Variants in ADGRG3 observed in about 807,000 individuals in gnomAD.
The protein encoded by ADGRG3 is G protein-coupled receptor 97.
In ADGRG3, 39 loss-of-function variants were observed where a neutral mutation model predicts 54.3. The ratio of observed to expected loss-of-function variants is 0.72; its 90% CI spans 0.56 to 0.94. The LOEUF is 0.94. Ranked by LOEUF, ADGRG3 falls within the 40% of genes least tolerant of loss-of-function variation. The pLI is 0.00. For missense variants in ADGRG3, 654 were observed against 694.6 expected (o/e 0.94, Z 0.66); for synonymous variants, 312 against 290.0 (o/e 1.08, Z -0.77).
chr16:57,681,362 G>GTC (rs2048364537), intron 8 of ADGRG3, among the ~76,000 whole-genome samples: 1 of 117,316 alleles, frequency 8.5e-6, no homozygotes, highest in African/African-American at 4.6e-5. Flanking sequence ...GTGTGTGTGT[G>GTC]TGTGTGTGTG....
chr16:57,680,648 C>A, intron 8 of ADGRG3, 31 bp downstream of exon 8: 1 of 1,456,330 alleles, frequency 6.9e-7, no homozygotes, highest in Non-Finnish European at 9.6e-7. Context: ...CACCATGTCT[C>A]CCTCCCGCCC....
At position 57,684,028 on chromosome 16, in the gene ADGRG3, T is replaced by C. The variant is rs2048424878; in HGVS notation, c.978T>C (p.Asn326=). The stretch of plus-strand genomic sequence containing the variant: ...TCCTGAATCTGGCCTTCTTGGTCAA[T>C]GTGGGGAGTGGCTCAAAGGGGTCTG... ...LFLLNLAFLV[N]VGSGSKGSDA... Residue 326 remains asparagine (N), a synonymous_variant, in exon 9 of 12, where the codon AAT becomes AAC. Transcript: ENST00000333493. 2 of 1,613,376 alleles carry C rather than the reference T, an allele frequency of 1.2e-6. No homozygotes were observed. The highest frequency in any genetic ancestry group is 1.7e-6 in the Non-Finnish European group (2 of 1,179,542).
intron 2 of ADGRG3, 111 bp downstream of exon 2, chr16:57,673,579 T>A: frequency 9.8e-7 from 1 of 1,021,926 alleles, no homozygotes; most frequent in Non-Finnish European, 1.4e-6. Flanking sequence ...TGCTCCCATC[T>A]GACTCTTCCA....
Position 57,679,296 on chromosome 16 carries a change from C to G in ADGRG3, c.612C>G (p.His204Gln), listed in dbSNP as rs961680388. ...AGCCTCTGGAGATCGTCTTCTCTCA[C>G]CAGCGACCGCCCCCTGTGAGTCCCC... ...LAEPLEIVFS[H>Q]QRPPPNMTLT... Residue 204 changes from histidine (H) to glutamine (Q), a missense_variant, in exon 5 of 12, where the codon CAC (histidine) becomes CAG (glutamine). Transcript: ENST00000333493. 1 of 1,613,884 alleles carries G rather than the reference C, an allele frequency of 6.2e-7. No homozygotes were observed. The highest frequency in any genetic ancestry group is 2.2e-5 in the East Asian group (1 of 44,878).
chr16:57,677,089 C>T (rs1245650627), intron 3 of ADGRG3, among the ~76,000 whole-genome samples: 3 of 152,174 alleles, frequency 2.0e-5, no homozygotes, highest in Non-Finnish European at 4.4e-5. Flanking sequence ...CAGCTGAGCC[C>T]TCTGCAGGGG....
intron 2 of ADGRG3, among the ~76,000 whole-genome samples, chr16:57,674,010 A>G (rs2048212754): frequency 6.6e-6 from 1 of 152,188 alleles, no homozygotes; most frequent in Non-Finnish European, 1.5e-5. Flanking sequence ...CTGGAAATAT[A>G]AGCAGAGACT....
rs1456322532 is a variant in ADGRG3 at position 57,668,384 on chromosome 16, C to T, written c.37C>T (p.Leu13Phe). ...TPRGLGALLL[L>F]LLLPTSGQEK... ...CAGGGGCCTGGGGGCCCTGCTCCTG[C>T]TCCTCCTGCTCCCGACCTCAGGTGA... Residue 13 changes from leucine (L) to phenylalanine (F), a missense_variant, in exon 1 of 12, where the codon CTC (leucine) becomes TTC (phenylalanine). Leu to Phe is a conservative substitution (Grantham distance 22, BLOSUM62 0). Coordinates refer to ENST00000333493, the MANE Select transcript of ADGRG3 (RefSeq NM_170776.5). 1.3e-6 allele frequency: 2 copies of T among 1,574,670 alleles called. No individual in the cohort carries two copies. Among genetic ancestry groups the T allele is most frequent in the African/African-American group, 1.3e-5 (1 of 74,756 alleles).
chr16:57,685,511 G>A, intron 10 of ADGRG3, 132 bp from the exon 11 acceptor site: 1 of 842,370 alleles, frequency 1.2e-6, no homozygotes, highest in South Asian at 1.6e-5. Flanking sequence ...TCCCACAGCG[G>A]GAGAGCCAGG....
chr16:57,688,310 C>A, intron 11 of ADGRG3, 42 bp from the exon 12 acceptor site: 1 of 1,293,990 alleles, frequency 7.7e-7, no homozygotes, highest in Non-Finnish European at 1.1e-6. Context: ...CACTCTCTGC[C>A]CACCCCTTTC....
At position 57,688,707 on chromosome 16, in the gene ADGRG3, CAA is replaced by C. The variant is rs2048520447; in HGVS notation, c.*248_*249del. The C allele has an allele frequency of 4.2e-6, 2 of 470,782 alleles. No individual in the cohort carries two copies. The highest frequency in any genetic ancestry group is 7.1e-5 in the East Asian group (2 of 28,184). The allele number at this position is 470,782 out of a possible 1,614,324, so 29.2% of individuals were successfully genotyped here. Reference sequence around the variant, plus strand: ...CTATAGTCCTGAGACCCCCTGCCAGCAAAGAGTGACAGTCACCTCCATGCCCT... The same window carrying C: ...CTATAGTCCTGAGACCCCCTGCCAGCAGAGTGACAGTCACCTCCATGCCCT... On this transcript the variant is annotated 3_prime_UTR_variant, in exon 12 of 12. Coordinates refer to ENST00000333493, the MANE Select transcript of ADGRG3 (RefSeq NM_170776.5).
At chr16:57,670,877 A>C (rs1322851856) in intron 1 of ADGRG3, among the ~76,000 whole-genome samples, 7 of 152,218 alleles carry the variant, frequency 4.6e-5, no homozygotes, top group African/African-American at 1.7e-4. Context: ...AATACTGGAC[A>C]TGATTTTTAA....
intron 1 of ADGRG3, among the ~76,000 whole-genome samples, chr16:57,669,366 G>C (rs1437687117): frequency 1.3e-5 from 2 of 152,186 alleles, no homozygotes; most frequent in African/African-American, 4.8e-5. Flanking sequence ...AAAAGGGTGG[G>C]AGATGACAGC....
intron 8 of ADGRG3, chr16:57,682,470 C>T (rs1012651079): frequency 4.1e-6 from 4 of 984,594 alleles, no homozygotes; most frequent in Non-Finnish European, 4.8e-6. Context: ...GTGCCCCTCA[C>T]CCCCACCCTC....
At position 57,672,883 on chromosome 16, in the gene ADGRG3, A is replaced by T. The variant is rs190255668; in HGVS notation, c.59-438A>T. On this transcript the variant is annotated intron_variant, in intron 1 of 11. Coordinates refer to ENST00000333493, the MANE Select transcript of ADGRG3 (RefSeq NM_170776.5). ...CATTTTTTAAATTTACACAAATAAG[A>T]TAGTGTGAATGTGGGAGAATGAGGC... 3.2e-4 allele frequency among the ~76,000 whole-genome samples: 49 copies of T among 152,268 alleles called. No individual in the cohort carries two copies. In the East Asian group the frequency reaches 9.1e-3, roughly 28 times the overall value.
intron 6 of ADGRG3, 79 bp downstream of exon 6, chr16:57,679,934 C>A: frequency 8.8e-7 from 1 of 1,142,568 alleles, no homozygotes; most frequent in Non-Finnish European, 1.3e-6. Context: ...GCTAGCTCCA[C>A]TGGCTGAGTC....
chr16:57,665,924 G>A (rs1206966443), upstream of ADGRG3, among the ~76,000 whole-genome samples: 1 of 152,104 alleles, frequency 6.6e-6, no homozygotes, highest in Non-Finnish European at 1.5e-5. Flanking sequence ...CAGGGACCAA[G>A]AACCCCTGTG....
chr16:57,678,536 C>T (rs528468887), intron 4 of ADGRG3: 50 of 576,824 alleles, frequency 8.7e-5, no homozygotes, highest in Admixed American at 6.6e-4. Context: ...ATGTTTGACC[C>T]CCACACATGA....
rs79478185 is a variant in ADGRG3 at position 57,679,744 on chromosome 16, G to A, written c.628-72G>A. Reference sequence around the variant, plus strand: ...ACACTAGGACTCGGGGGAGCACACCGTCCTCCCGCTTCCCCTGCCCTCCCC... The same window carrying A: ...ACACTAGGACTCGGGGGAGCACACCATCCTCCCGCTTCCCCTGCCCTCCCC... On this transcript the variant is annotated intron_variant, in intron 5 of 11. Transcript: ENST00000333493. 1,938 of 1,204,546 alleles carry A rather than the reference G, an allele frequency of 1.6e-3. 20 individuals carry two copies. In the African/African-American group the frequency reaches 0.024, roughly 15 times the overall value. The allele number at this position is 1,204,546 out of a possible 1,614,324, so 74.6% of individuals were successfully genotyped here.
intron 1 of ADGRG3, 134 bp downstream of exon 1, chr16:57,668,539 C>A: frequency 1.2e-6 from 1 of 805,384 alleles, no homozygotes; most frequent in Non-Finnish European, 2.0e-6. Flanking sequence ...CTCCGATACC[C>A]CCCGTGGCCG....
Sources: gnomAD v4.1 joint callset for allele counts (sites outside exome capture counted in the v4.1 genomes callset) on GRCh38, gnomAD v4.1.1 for gene constraint, MANE v1.5 for transcripts, NCBI Gene and HGNC (gene_info 2026-07-23, HGNC 2026-07-21) for gene names.